The following FHOD3 variants were observed in gnomAD, a reference collection of about 807,000 sequenced individuals.
The protein encoded by FHOD3 is FH1/FH2 domain-containing protein 3.
Under a neutral mutation model 173.0 loss-of-function variants are expected in FHOD3, and 90 were observed. That is an observed-to-expected ratio of 0.52 (90% CI 0.44 to 0.62). The LOEUF is 0.62. Among genes scored for constraint, FHOD3 ranks in the 20% least tolerant of loss-of-function variants. FHOD3 has a pLI of 0.00. For synonymous variants in FHOD3, 828 were observed against 823.0 expected (o/e 1.01, Z -0.10); for missense variants, 1,945 against 2,034.7 (o/e 0.96, Z 0.85).
At chr18:36,611,395 TCG>T (rs556520211) in intron 8 of FHOD3, among the ~76,000 whole-genome samples, 26 of 152,168 alleles carry the variant, frequency 1.7e-4, no homozygotes, top group Non-Finnish European at 3.4e-4. Context: ...AGCCGAGGTG[TCG>T]CCCAGGACTG....
intron 6 of FHOD3, among the ~76,000 whole-genome samples, chr18:36,577,324 CAG>C (rs1213346664): frequency 6.6e-6 from 1 of 151,090 alleles, no homozygotes; most frequent in African/African-American, 2.5e-5. Context: ...TTTATTGAGA[CAG>C]AGTCTTATAC....
At chr18:36,486,108 A>G (rs771498877) in intron 3 of FHOD3, among the ~76,000 whole-genome samples, 34 of 152,178 alleles carry the variant, frequency 2.2e-4, no homozygotes, top group Non-Finnish European at 2.9e-4. Flanking sequence ...AGCAGCTGGT[A>G]GTGAACACAA....
intron 6 of FHOD3, among the ~76,000 whole-genome samples, chr18:36,586,759 C>T (rs185466249): frequency 6.6e-6 from 1 of 152,176 alleles, no homozygotes; most frequent in African/African-American, 2.4e-5. Context: ...GGATTACAGA[C>T]ATGAGCCACC....
chr18:36,600,057 CAA>C (rs1440839365), intron 7 of FHOD3, among the ~76,000 whole-genome samples: 4 of 152,174 alleles, frequency 2.6e-5, no homozygotes, highest in African/African-American at 9.6e-5. Context: ...GGAAAAAAGA[CAA>C]AGTGCTTTAT....
intron 3 of FHOD3, among the ~76,000 whole-genome samples, chr18:36,448,123 A>C (rs2051604758): frequency 6.6e-6 from 1 of 152,240 alleles, no homozygotes; most frequent in Non-Finnish European, 1.5e-5. Context: ...GCCATGAAGA[A>C]TATTTTCATT....
At chr18:36,626,722 A>C in intron 10 of FHOD3, among the ~76,000 whole-genome samples, 1 of 152,226 alleles carries the variant, frequency 6.6e-6, no homozygotes, top group Non-Finnish European at 1.5e-5. Flanking sequence ...CTGGGAGTCA[A>C]ATTTAGGTCA....
At chr18:36,392,819 G>A (rs1244714743) in intron 3 of FHOD3, among the ~76,000 whole-genome samples, 1 of 152,210 alleles carries the variant, frequency 6.6e-6, no homozygotes, top group Non-Finnish European at 1.5e-5. Flanking sequence ...TTGGAGATTA[G>A]GCTTTCATTA....
In FHOD3 at chr18:36,760,638, C is replaced by T. The variant is rs2042829355; in HGVS notation, c.4480C>T (p.Pro1494Ser). 11 of 1,591,482 alleles carry T rather than the reference C, an allele frequency of 6.9e-6. No homozygotes were observed. The highest frequency in any genetic ancestry group is 1.7e-5 in the Admixed American group (1 of 58,062). ...SGKFSGSSPA[P>S]PSQPQGLSYA... The stretch of plus-strand genomic sequence containing the variant: ...CAAGTTCTCCGGCAGTTCTCCGGCG[C>T]CCCCAAGCCAGCCGCAGGGTCTGAG... Residue 1494 changes from proline to serine, a missense_variant, in exon 27 of 29, where the codon CCC (proline) becomes TCC (serine). Pro to Ser is a moderately conservative substitution (Grantham distance 74). Transcript: ENST00000590592.
chr18:36,534,076 T>C (rs1460745563), intron 5 of FHOD3, among the ~76,000 whole-genome samples: 1 of 152,180 alleles, frequency 6.6e-6, no homozygotes, highest in Non-Finnish European at 1.5e-5. Flanking sequence ...ACAAAAGTCC[T>C]TCCTTCCCAG....
chr18:36,381,717 G>C (rs1247595070), intron 3 of FHOD3, among the ~76,000 whole-genome samples: 1 of 152,096 alleles, frequency 6.6e-6, no homozygotes, highest in Admixed American at 6.5e-5. Context: ...TGTTGTTAAA[G>C]AAAGAAGCTA....
At chr18:36,464,021 G>C (rs989968043) in intron 3 of FHOD3, among the ~76,000 whole-genome samples, 1 of 152,024 alleles carries the variant, frequency 6.6e-6, no homozygotes, top group African/African-American at 2.4e-5. Context: ...CTCAATAATA[G>C]AACAAGTAGT....
chr18:36,647,119 G>A (rs2035741716), intron 10 of FHOD3, among the ~76,000 whole-genome samples: 1 of 152,156 alleles, frequency 6.6e-6, no homozygotes, highest in South Asian at 2.1e-4. Context: ...GTGGGTGCCT[G>A]TAATCCCAGC....
intron 3 of FHOD3, among the ~76,000 whole-genome samples, chr18:36,380,423 G>T (rs1369508450): frequency 6.6e-6 from 1 of 151,360 alleles, no homozygotes; most frequent in East Asian, 1.9e-4. Context: ...TCAATACTTC[G>T]GTCATCTCCC....
intron 3 of FHOD3, among the ~76,000 whole-genome samples, chr18:36,388,360 A>C (rs1474102221): frequency 6.6e-6 from 1 of 152,076 alleles, no homozygotes; most frequent in Non-Finnish European, 1.5e-5. Context: ...TGTTCCTGGG[A>C]CTGTAACCCA....
At chr18:36,752,456 T>C (rs574524143) in intron 24 of FHOD3, among the ~76,000 whole-genome samples, 87 of 152,336 alleles carry the variant, frequency 5.7e-4, no homozygotes, top group African/African-American at 1.7e-3. Flanking sequence ...GATGTTTGAC[T>C]TGTGCTTTGG....
At chr18:36,768,873 G>A (rs1226094632) in intron 27 of FHOD3, among the ~76,000 whole-genome samples, 4 of 152,144 alleles carry the variant, frequency 2.6e-5, no homozygotes, top group Admixed American at 2.0e-4. Context: ...GTGCATCACC[G>A]GATATTGATG....
chr18:36,441,368 T>C (rs1422799646), intron 3 of FHOD3, among the ~76,000 whole-genome samples: 1 of 152,206 alleles, frequency 6.6e-6, no homozygotes, highest in Non-Finnish European at 1.5e-5. Flanking sequence ...CCAATTCTAC[T>C]TTAATGTGGT....
chr18:36,623,639 GCCTCAAA>G (rs1222189162), intron 9 of FHOD3, among the ~76,000 whole-genome samples: 1 of 152,156 alleles, frequency 6.6e-6, no homozygotes, highest in African/African-American at 2.4e-5. Flanking sequence ...ATCAATTCTT[GCCTCAAA>G]CCTCCCAAAA....
At chr18:36,755,011 T>A in intron 24 of FHOD3, 108 bp from the exon 25 acceptor site, 2 of 234,552 alleles carry the variant, frequency 8.5e-6, no homozygotes, top group South Asian at 2.5e-4. Context: ...TTATTATTAT[T>A]ATTATTTATT....
Sources: gnomAD v4.1 joint callset for allele counts (sites outside exome capture counted in the v4.1 genomes callset) on GRCh38, gnomAD v4.1.1 for gene constraint, MANE v1.5 for transcripts, NCBI Gene and HGNC (gene_info 2026-07-23, HGNC 2026-07-21) for gene names.